Variants in PHACTR1 observed in about 807,000 individuals in gnomAD.
PHACTR1 encodes the protein phosphatase and actin regulator 1.
PHACTR1 carries 16 observed loss-of-function variants against 69.2 expected under a neutral mutation model. The observed-to-expected ratio is 0.23, with a 90% CI of 0.16 to 0.35. The LOEUF is 0.35. Among genes scored for constraint, PHACTR1 ranks in the 10% least tolerant of loss-of-function variants. The pLI is 1.00. For synonymous variants in PHACTR1, 312 were observed against 284.5 expected (o/e 1.10, Z -0.97); for missense variants, 510 against 734.7 (o/e 0.69, Z 3.54).
intron 4 of PHACTR1, among the ~76,000 whole-genome samples, chr6:12,956,660 G>A (rs1339448390): frequency 6.6e-6 from 1 of 152,078 alleles, no homozygotes; most frequent in Non-Finnish European, 1.5e-5. Flanking sequence ...TCGAGGTCAG[G>A]GCAGGGGTTT....
intron 5 of PHACTR1, among the ~76,000 whole-genome samples, chr6:13,150,523 A>T (rs1451982542): frequency 6.6e-6 from 1 of 152,166 alleles, no homozygotes; most frequent in Non-Finnish European, 1.5e-5. Flanking sequence ...TACTCATACA[A>T]ATTGCCTCTA....
At chr6:13,025,697 GTGTGTGTGTGTGTC>G (rs1801593777) in intron 4 of PHACTR1, among the ~76,000 whole-genome samples, 1 of 151,876 alleles carries the variant, frequency 6.6e-6, no homozygotes. Flanking sequence ...GTGTGTGTGT[GTGTGTGTGTGTGTC>G]TGTGTGTATG....
intron 4 of PHACTR1, among the ~76,000 whole-genome samples, chr6:12,824,649 TA>T (rs1776591232): frequency 6.6e-6 from 1 of 152,178 alleles, no homozygotes; most frequent in South Asian, 2.1e-4. Flanking sequence ...AGAAATAAAG[TA>T]GATAAAGTTA....
chr6:13,149,397 C>G (rs1037443937), intron 5 of PHACTR1, among the ~76,000 whole-genome samples: 3 of 151,934 alleles, frequency 2.0e-5, no homozygotes, highest in African/African-American at 7.3e-5. Flanking sequence ...GCACAGAACC[C>G]TTTTCTCAGA....
At chr6:13,194,414 A>AAG (rs1554152725) in intron 7 of PHACTR1, among the ~76,000 whole-genome samples, 55 of 149,270 alleles carry the variant, frequency 3.7e-4, no homozygotes, top group African/African-American at 1.1e-3. Context: ...AAAAAAAAAA[A>AAG]AAAGAAAGAA....
At chr6:13,014,235 C>T (rs1799846632) in intron 4 of PHACTR1, among the ~76,000 whole-genome samples, 2 of 152,106 alleles carry the variant, frequency 1.3e-5, no homozygotes, top group African/African-American at 4.8e-5. Context: ...CGGCGTCTGT[C>T]GCCTGGAAAA....
intron 6 of PHACTR1, among the ~76,000 whole-genome samples, chr6:13,168,669 C>G (rs1324482249): frequency 6.6e-6 from 1 of 152,084 alleles, no homozygotes; most frequent in Non-Finnish European, 1.5e-5. Flanking sequence ...GGGAAGGCAT[C>G]TTGGAAGGAG....
chr6:12,750,991 T>G (rs551431650), intron 4 of PHACTR1, among the ~76,000 whole-genome samples: 3 of 152,122 alleles, frequency 2.0e-5, no homozygotes, highest in South Asian at 2.1e-4. Context: ...TGTGTGTGTG[T>G]GTGCGCGTGC....
intron 7 of PHACTR1, among the ~76,000 whole-genome samples, chr6:13,196,825 C>A (rs1460829657): frequency 1.3e-5 from 2 of 152,216 alleles, no homozygotes; most frequent in Non-Finnish European, 2.9e-5. Context: ...TTGTTGCAAG[C>A]ATGGAGAACC....
rs28588468 is a variant in PHACTR1, at chr6:12,845,439, C to A, written c.250+95649C>A. Among the ~76,000 whole-genome samples, 5 of 73,246 alleles carry A rather than the reference C, an allele frequency of 6.8e-5. 1 individual carries two copies. The highest frequency in any genetic ancestry group is 6.2e-4 in the East Asian group (1 of 1,602). 48.1% of individuals were successfully genotyped at this position (73,246 alleles called of 152,430 possible). Reference sequence around the variant, plus strand: ...TTGTGAACACCACCCACCCCCCCCCCCCCCGCCCTCCGTGCTGGGCAGTCT... The same window carrying A: ...TTGTGAACACCACCCACCCCCCCCCACCCCGCCCTCCGTGCTGGGCAGTCT... On this transcript the variant is annotated intron_variant, in intron 4 of 14. Transcript: ENST00000332995.
At chr6:13,208,136 C>T (rs1157796201) in intron 8 of PHACTR1, among the ~76,000 whole-genome samples, 1 of 152,164 alleles carries the variant, frequency 6.6e-6, no homozygotes, top group Non-Finnish European at 1.5e-5. Flanking sequence ...TAATCTATTA[C>T]ACATACACAT....
intron 8 of PHACTR1, among the ~76,000 whole-genome samples, chr6:13,219,197 C>G (rs1400976911): frequency 3.9e-5 from 6 of 152,062 alleles, no homozygotes; most frequent in Non-Finnish European, 7.4e-5. Context: ...AAATATGTCT[C>G]TTTTCAGTGT....
chr6:12,755,080 T>A (rs1446203989), intron 4 of PHACTR1, among the ~76,000 whole-genome samples: 5 of 152,218 alleles, frequency 3.3e-5, no homozygotes, highest in Non-Finnish European at 7.3e-5. Flanking sequence ...GAATCTATGT[T>A]GGGTAATTAG....
chr6:13,004,971 A>T (rs1798603710), intron 4 of PHACTR1, among the ~76,000 whole-genome samples: 2 of 151,752 alleles, frequency 1.3e-5, no homozygotes, highest in African/African-American at 4.8e-5. Flanking sequence ...TGCTTGTAAT[A>T]TATATTTAAT....
At chr6:12,772,958 C>A (rs1297055676) in intron 4 of PHACTR1, among the ~76,000 whole-genome samples, 1 of 152,086 alleles carries the variant, frequency 6.6e-6, no homozygotes, top group African/African-American at 2.4e-5. Context: ...ATTTAAACTT[C>A]TAGCAAATCC....
intron 4 of PHACTR1, among the ~76,000 whole-genome samples, chr6:12,907,791 T>TTGGGATGG: frequency 6.6e-6 from 1 of 152,230 alleles, no homozygotes; most frequent in South Asian, 2.1e-4. Flanking sequence ...GAAGATAGAA[T>TTGGGATGG]TGGGATGGCT....
chr6:12,981,988 T>A (rs1795577719), intron 4 of PHACTR1, among the ~76,000 whole-genome samples: 1 of 152,224 alleles, frequency 6.6e-6, no homozygotes, highest in African/African-American at 2.4e-5. Flanking sequence ...TTTGATTTCT[T>A]GTTAGACTTT....
At chr6:13,214,505 C>T (rs1312909862) in intron 8 of PHACTR1, among the ~76,000 whole-genome samples, 4 of 152,192 alleles carry the variant, frequency 2.6e-5, no homozygotes, top group Non-Finnish European at 5.9e-5. Context: ...GGAGAGGGGT[C>T]ATCATCCTTA....
intron 4 of PHACTR1, among the ~76,000 whole-genome samples, chr6:12,989,119 G>A (rs1032468482): frequency 6.6e-6 from 1 of 152,166 alleles, no homozygotes; most frequent in African/African-American, 2.4e-5. Flanking sequence ...CCTATACATG[G>A]TAATTAGTAA....
Sources: gnomAD v4.1 joint callset for allele counts (sites outside exome capture counted in the v4.1 genomes callset) on GRCh38, gnomAD v4.1.1 for gene constraint, MANE v1.5 for transcripts, NCBI Gene and HGNC (gene_info 2026-07-23, HGNC 2026-07-21) for gene names.